Variants in DMD observed in about 807,000 individuals in gnomAD.
DMD encodes the protein dystrophin.
Under a neutral mutation model 330.1 loss-of-function variants are expected in DMD, and 63 were observed. The ratio of observed to expected loss-of-function variants is 0.19; its 90% confidence interval spans 0.16 to 0.24. The LOEUF (loss-of-function observed/expected upper bound fraction) is 0.24, where lower values mean the gene tolerates loss of function less well. DMD is among the 10% of genes least tolerant of loss of function. DMD has a pLI of 1.00. For synonymous variants in DMD, 1,223 were observed against 959.8 expected, an observed-to-expected ratio of 1.27 and a Z score of -5.07; for missense variants, 3,344 against 2,684.1, an observed-to-expected ratio of 1.25 and a Z score of -5.43.
chrX:31,914,649 T>G (rs1401412460), intron 47 of DMD, among the ~76,000 whole-genome samples: 1 of 111,978 alleles, frequency 8.9e-6, no homozygotes, highest in Non-Finnish European at 1.9e-5. Context: ...ACATCTCATG[T>G]TCTCACTTAT....
chrX:32,690,694 T>C (rs1027472185), intron 9 of DMD, among the ~76,000 whole-genome samples: 5 of 111,248 alleles, frequency 4.5e-5, no homozygotes, highest in African/African-American at 1.3e-4. Flanking sequence ...TCTACACATA[T>C]AGGGTTAACT....
chrX:32,501,857 C>A lies in DMD; in HGVS notation c.2293-15G>T, dbSNP rs369384547. The stretch of plus-strand genomic sequence containing the variant: ...CGCTCTATGGCCTGCAGCATGAGAG[C>A]AAAGATGAGTAATTCAATACAAGGA... On this transcript the variant is annotated splice_polypyrimidine_tract_variant and intron_variant, in intron 18 of 78. Coordinates refer to ENST00000357033, the MANE Select transcript of DMD (RefSeq NM_004006.3). 8.7e-7 allele frequency: 1 copy of A among 1,143,236 alleles called. No homozygotes were observed. The highest frequency in any genetic ancestry group is 1.2e-6 in the Non-Finnish European group (1 of 837,384). 94.2% of individuals were successfully genotyped at this position (1,143,236 alleles called of 1,213,427 possible).
intron 7 of DMD, among the ~76,000 whole-genome samples, chrX:32,805,447 C>T (rs893660142): frequency 9.0e-6 from 1 of 111,715 alleles, no homozygotes; most frequent in Admixed American, 9.5e-5. Context: ...AAAGCCTCCA[C>T]GAAATATGGG....
chrX:31,689,363 T>C (rs941701798), intron 52 of DMD, among the ~76,000 whole-genome samples: 11 of 111,870 alleles, frequency 9.8e-5, no homozygotes, highest in Non-Finnish European at 1.9e-4. Context: ...TGAACTCTCA[T>C]TCACAATTGC....
At chrX:32,964,682 T>C (rs1421636603) in intron 2 of DMD, among the ~76,000 whole-genome samples, 1 of 111,426 alleles carries the variant, frequency 9.0e-6, no homozygotes, top group Non-Finnish European at 1.9e-5. Context: ...CACTCCAGCC[T>C]GGGTGACAGA....
intron 37 of DMD, among the ~76,000 whole-genome samples, chrX:32,359,898 T>G (rs1363661992): frequency 9.0e-6 from 1 of 110,843 alleles, no homozygotes; most frequent in Non-Finnish European, 1.9e-5. Flanking sequence ...TATTTAAATT[T>G]AATACTTTAT....
At chrX:32,547,529 G>A (rs1368455972) in intron 16 of DMD, among the ~76,000 whole-genome samples, 1 of 110,729 alleles carries the variant, frequency 9.0e-6, no homozygotes, top group Non-Finnish European at 1.9e-5. Flanking sequence ...TAAGAAAACT[G>A]TGCATTCACC....
At chrX:32,353,533 T>C (rs923110089) in intron 37 of DMD, among the ~76,000 whole-genome samples, 2 of 111,367 alleles carry the variant, frequency 1.8e-5, no homozygotes, top group Non-Finnish European at 3.8e-5. Flanking sequence ...TTAAAGGAAA[T>C]AGATGACCAC....
chrX:31,226,999 A>C, intron 63 of DMD, among the ~76,000 whole-genome samples: 1 of 111,850 alleles, frequency 8.9e-6, no homozygotes, highest in Middle Eastern at 4.6e-3. Flanking sequence ...GTGCCAGCCA[A>C]ACATCTTGTA....
intron 1 of DMD, among the ~76,000 whole-genome samples, chrX:33,143,977 T>C (rs2047914870): frequency 9.0e-6 from 1 of 111,272 alleles, no homozygotes; most frequent in African/African-American, 3.3e-5. Context: ...CTAAAGTAAA[T>C]GATGAAGATA....
chrX:31,785,152 G>A (rs942591291), intron 50 of DMD, among the ~76,000 whole-genome samples: 6 of 112,221 alleles, frequency 5.3e-5, no homozygotes, highest in African/African-American at 1.9e-4. Flanking sequence ...GGTGTACCTT[G>A]AAGACATTAT....
At chrX:32,987,246 C>T (rs1312624931) in intron 2 of DMD, among the ~76,000 whole-genome samples, 4 of 111,947 alleles carry the variant, frequency 3.6e-5, no homozygotes, top group Admixed American at 9.5e-5. Context: ...TAAAGCTAGA[C>T]GGATCAAAAG....
chrX:32,720,190 C>T (rs1180305537), intron 7 of DMD, among the ~76,000 whole-genome samples: 2 of 110,708 alleles, frequency 1.8e-5, no homozygotes, highest in Admixed American at 9.7e-5. Context: ...TACCACAATT[C>T]TTTATTGTTG....
At chrX:32,257,341 A>C (rs2097303510) in intron 43 of DMD, among the ~76,000 whole-genome samples, 1 of 111,713 alleles carries the variant, frequency 9.0e-6, no homozygotes, top group Non-Finnish European at 1.9e-5. Flanking sequence ...GGAACCAAAA[A>C]AGAGCTTGTA....
At chrX:33,243,723 G>A (rs1399756128) in intron 1 of DMD, among the ~76,000 whole-genome samples, 1 of 112,251 alleles carries the variant, frequency 8.9e-6, no homozygotes, top group Non-Finnish European at 1.9e-5. Flanking sequence ...ATAAAATCAT[G>A]TCTTTTGCAA....
chrX:32,635,320 C>T (rs888462377), intron 11 of DMD, among the ~76,000 whole-genome samples: 2 of 111,122 alleles, frequency 1.8e-5, no homozygotes, highest in Non-Finnish European at 3.8e-5. Flanking sequence ...GATCATGCAC[C>T]TAATTTTTCA....
chrX:32,513,980 C>T (rs775923713), intron 18 of DMD, among the ~76,000 whole-genome samples: 3 of 111,564 alleles, frequency 2.7e-5, no homozygotes, highest in Non-Finnish European at 5.6e-5. Flanking sequence ...TCTAGTTCTA[C>T]AGAGGGATTG....
chrX:32,837,757 C>CT (rs2079783321), intron 4 of DMD, among the ~76,000 whole-genome samples: 1 of 111,749 alleles, frequency 8.9e-6, no homozygotes, highest in African/African-American at 3.2e-5. Context: ...AATGAAAATG[C>CT]TTTTGCCCTA....
chrX:31,918,751 C>T (rs1242023178), intron 47 of DMD, among the ~76,000 whole-genome samples: 1 of 110,133 alleles, frequency 9.1e-6, no homozygotes, highest in Non-Finnish European at 1.9e-5. Flanking sequence ...GATTCTCCTG[C>T]CTCAGCCTCC....
Sources: allele counts gnomAD v4.1 joint callset (sites outside exome capture counted in the v4.1 genomes callset), GRCh38; gene constraint gnomAD v4.1.1; transcripts MANE v1.5; gene names NCBI Gene and HGNC (gene_info 2026-07-23, HGNC 2026-07-21).